Variants in ARSG observed in about 807,000 individuals in gnomAD.
The protein encoded by ARSG is ASG.
A neutral mutation model predicts 50.5 loss-of-function variants in ARSG; 37 were observed. The ratio of observed to expected loss-of-function variants is 0.73; its 90% CI spans 0.56 to 0.96. The LOEUF (loss-of-function observed/expected upper bound fraction) is 0.96, where lower values mean the gene tolerates loss of function less well. ARSG is among the 50% of genes least tolerant of loss of function. ARSG has a pLI of 0.00. For synonymous variants in ARSG, 225 were observed against 254.6 expected, an observed-to-expected ratio of 0.88 and a Z score of 1.11; for missense variants, 629 against 675.3, an observed-to-expected ratio of 0.93 and a Z score of 0.76.
chr17:68,350,186 G>A (rs1303782912), intron 4 of ARSG, among the ~76,000 whole-genome samples: 2 of 152,262 alleles, frequency 1.3e-5, no homozygotes, highest in Admixed American at 6.5e-5. Flanking sequence ...CAAAGCCACC[G>A]AGGCCCCAAA....
intron 9 of ARSG, among the ~76,000 whole-genome samples, chr17:68,386,678 C>G (rs1015783915): frequency 1.3e-5 from 2 of 152,100 alleles, no homozygotes; most frequent in African/African-American, 4.8e-5. Context: ...ATAGGGCTGA[C>G]TTGGTGTAGT....
intron 10 of ARSG, among the ~76,000 whole-genome samples, chr17:68,397,982 G>T (rs1215672778): frequency 2.0e-5 from 3 of 152,132 alleles, no homozygotes; most frequent in African/African-American, 7.2e-5. Flanking sequence ...GGCCAGGCTG[G>T]TGTCAAACTC....
intron 1 of ARSG, among the ~76,000 whole-genome samples, chr17:68,294,291 G>A (rs557055993): frequency 9.2e-5 from 14 of 152,292 alleles, no homozygotes; most frequent in African/African-American, 3.1e-4. Flanking sequence ...CCCTCTTTTA[G>A]CCCTCTTGCA....
At chr17:68,410,701 C>A (rs1309819963) in intron 11 of ARSG, among the ~76,000 whole-genome samples, 3 of 152,170 alleles carry the variant, frequency 2.0e-5, no homozygotes, top group African/African-American at 7.2e-5. Flanking sequence ...AGGAATGGTA[C>A]CAGTTCCTCC....
At chr17:68,267,879 T>A (rs1310639274) in intron 1 of ARSG, 1 of 152,226 alleles carries the variant, frequency 6.6e-6, no homozygotes, top group Non-Finnish European at 1.5e-5. Flanking sequence ...TATAACATAA[T>A]TGTCTCTGTT....
At chr17:68,349,523 G>A (rs1209680005) in intron 4 of ARSG, among the ~76,000 whole-genome samples, 5 of 152,150 alleles carry the variant, frequency 3.3e-5, no homozygotes. Flanking sequence ...GCTATGTTGT[G>A]TACCTAGGGG....
intron 11 of ARSG, among the ~76,000 whole-genome samples, chr17:68,403,931 T>TC (rs900043885): frequency 9.2e-5 from 14 of 152,268 alleles, no homozygotes; most frequent in Non-Finnish European, 1.9e-4. Context: ...ATTGTTCAAT[T>TC]CCCACCTATG....
At chr17:68,395,786 G>A (rs891359585) in intron 10 of ARSG, among the ~76,000 whole-genome samples, 2 of 152,116 alleles carry the variant, frequency 1.3e-5, no homozygotes, top group African/African-American at 4.8e-5. Context: ...CCTCTAGAAT[G>A]GAAGCTTCTT....
chr17:68,263,381 C>G (rs2075103990), intron 1 of ARSG, among the ~76,000 whole-genome samples: 1 of 152,220 alleles, frequency 6.6e-6, no homozygotes, highest in African/African-American at 2.4e-5. Context: ...TCTCTTTTAT[C>G]AATGCAATGT....
chr17:68,371,935 CA>C (rs367875348), intron 8 of ARSG, among the ~76,000 whole-genome samples: 4 of 151,956 alleles, frequency 2.6e-5, no homozygotes, highest in African/African-American at 9.7e-5. Context: ...CATGTAGACT[CA>C]AAAAAATCTT....
intron 1 of ARSG, among the ~76,000 whole-genome samples, chr17:68,286,087 C>G (rs115620883): frequency 6.6e-6 from 1 of 152,086 alleles, no homozygotes; most frequent in Non-Finnish European, 1.5e-5. Flanking sequence ...GAGACAGGGT[C>G]TCACCATGTG....
At chr17:68,287,457 G>C (rs2075867347), upstream of ARSG, among the ~76,000 whole-genome samples, 1 of 151,970 alleles carries the variant, frequency 6.6e-6, no homozygotes, top group South Asian at 2.1e-4. Flanking sequence ...ACCTCACCTA[G>C]CCAGATGGTG....
At chr17:68,328,748 T>C (rs1389122289) in intron 2 of ARSG, among the ~76,000 whole-genome samples, 1 of 152,160 alleles carries the variant, frequency 6.6e-6, no homozygotes, top group East Asian at 1.9e-4. Flanking sequence ...TCTTCAGGTC[T>C]ACATGCCTAG....
chr17:68,349,423 C>G (rs2078655088), intron 4 of ARSG, among the ~76,000 whole-genome samples: 1 of 152,166 alleles, frequency 6.6e-6, no homozygotes, highest in Non-Finnish European at 1.5e-5. Flanking sequence ...CCCACAAAAC[C>G]TAAAATGTTT....
chr17:68,314,884 G>T (rs1215502795), intron 2 of ARSG, among the ~76,000 whole-genome samples: 1 of 152,186 alleles, frequency 6.6e-6, no homozygotes, highest in African/African-American at 2.4e-5. Flanking sequence ...ACAAAACTTG[G>T]AAGGATGAGG....
intron 9 of ARSG, among the ~76,000 whole-genome samples, chr17:68,391,930 G>T (rs974710620): frequency 1.3e-5 from 2 of 152,202 alleles, no homozygotes; most frequent in African/African-American, 4.8e-5. Flanking sequence ...TCTGCCTGGG[G>T]TTGTAGGTAG....
chr17:68,420,108 A>G, intron 11 of ARSG, 81 bp from the exon 12 acceptor site: 2 of 1,490,692 alleles, frequency 1.3e-6, no homozygotes, highest in Non-Finnish European at 1.8e-6. Flanking sequence ...GAATTAATGT[A>G]GAATCACTCG....
At chr17:68,430,976 A>T in the ARSG span, among the ~76,000 whole-genome samples, 1 of 151,874 alleles carries the variant, frequency 6.6e-6, no homozygotes. Flanking sequence ...CTTTGGACAA[A>T]CCTCTCTGGG....
intron 2 of ARSG, among the ~76,000 whole-genome samples, chr17:68,311,860 G>A (rs1281858204): frequency 1.4e-5 from 2 of 145,554 alleles, no homozygotes; most frequent in Non-Finnish European, 3.0e-5. Context: ...GAGTGCAGTA[G>A]TGCGATCTTG....
Sources: allele counts gnomAD v4.1 joint callset (sites outside exome capture counted in the v4.1 genomes callset), GRCh38; gene constraint gnomAD v4.1.1; transcripts MANE v1.5; gene names NCBI Gene and HGNC (gene_info 2026-07-23, HGNC 2026-07-21).